Variants in PKD1L1 observed in about 807,000 individuals in gnomAD.
PKD1L1 encodes polycystin-1-like protein 1.
Under a neutral mutation model 323.4 loss-of-function variants are expected in PKD1L1, and 236 were observed. The ratio of observed to expected loss-of-function variants is 0.73; its 90% CI spans 0.66 to 0.81. The LOEUF (loss-of-function observed/expected upper bound fraction) is 0.81. PKD1L1 is among the 40% of genes least tolerant of loss of function. The probability of loss-of-function intolerance (pLI) is 0.00; values close to 1 mark genes in which losing one functional copy is unlikely to be tolerated. For missense variants in PKD1L1, 3,320 were observed against 3,508.0 expected (o/e 0.95, Z 1.35); for synonymous variants, 1,344 against 1,335.0 (o/e 1.01, Z -0.15).
At chr7:47,938,315 T>A (rs1038428230) in intron 3 of PKD1L1, among the ~76,000 whole-genome samples, 7 of 152,128 alleles carry the variant, frequency 4.6e-5, no homozygotes, top group African/African-American at 1.7e-4. Context: ...AGATGCCAGC[T>A]CGTGCCTGAG....
At chr7:47,914,158 C>A (rs1787380603) in intron 8 of PKD1L1, among the ~76,000 whole-genome samples, 1 of 151,984 alleles carries the variant, frequency 6.6e-6, no homozygotes, top group African/African-American at 2.4e-5. Context: ...TAAAAGAGGT[C>A]AACTAAAACA....
At chr7:47,941,407 A>G (rs935782787) in intron 2 of PKD1L1, among the ~76,000 whole-genome samples, 6 of 152,220 alleles carry the variant, frequency 3.9e-5, no homozygotes, top group Non-Finnish European at 7.3e-5. Context: ...CCTGCACCCC[A>G]GCAGTGGTGC....
intron 12 of PKD1L1, among the ~76,000 whole-genome samples, chr7:47,904,011 A>G (rs1207127611): frequency 2.8e-4 from 42 of 152,026 alleles, no homozygotes; most frequent in Admixed American, 2.8e-3. Flanking sequence ...CACTCCAAAC[A>G]TCTCCTGTTG....
At chr7:47,843,547 A>G (rs1346381872) in intron 33 of PKD1L1, among the ~76,000 whole-genome samples, 1 of 152,196 alleles carries the variant, frequency 6.6e-6, no homozygotes, top group African/African-American at 2.4e-5. Flanking sequence ...TGCAGGTGCC[A>G]TTATGTTCCT....
chr7:47,903,680 C>T (rs1219245965), intron 12 of PKD1L1, among the ~76,000 whole-genome samples: 1 of 152,206 alleles, frequency 6.6e-6, no homozygotes, highest in African/African-American at 2.4e-5. Flanking sequence ...CTAGATACTT[C>T]TGCACCCTTT....
At chr7:47,860,811 A>AAG (rs74476302) in intron 26 of PKD1L1, among the ~76,000 whole-genome samples, 91,241 of 151,778 alleles carry the variant, frequency 0.6, 27,472 homozygotes, top group Admixed American at 0.63. Flanking sequence ...AGAGATGCAC[A>AAG]AGAGGGACAA....
chr7:47,827,842 T>C (rs1039803024), intron 44 of PKD1L1, among the ~76,000 whole-genome samples: 2 of 152,216 alleles, frequency 1.3e-5, no homozygotes, highest in African/African-American at 4.8e-5. Flanking sequence ...AAAAAATCAT[T>C]TTAAAGTATA....
At chr7:47,918,837 A>G (rs567598807) in intron 7 of PKD1L1, among the ~76,000 whole-genome samples, 1 of 152,350 alleles carries the variant, frequency 6.6e-6, no homozygotes, top group South Asian at 2.1e-4. Flanking sequence ...TAGTGACACA[A>G]CGTATCAAAA....
chr7:47,947,653 T>C (rs764048420), intron 1 of PKD1L1, among the ~76,000 whole-genome samples: 2 of 152,148 alleles, frequency 1.3e-5, no homozygotes, highest in African/African-American at 4.8e-5. Flanking sequence ...GCACAGAGCA[T>C]GGGGAAGAGG....
At chr7:47,809,255 A>G (rs771488665) in intron 51 of PKD1L1, 1 of 441,516 alleles carries the variant, frequency 2.3e-6, no homozygotes, top group Non-Finnish European at 4.0e-6. Flanking sequence ...TGGGACCACC[A>G]CCTTGGCTGA....
At position 47,929,302 on chromosome 7, in the gene PKD1L1, CAG is replaced by C. The variant is rs1787715929; in HGVS notation, c.960_961del (p.Cys321SerfsTer12). The stretch of plus-strand genomic sequence containing the variant: ...ACTGTCCCCGAAATCCATCATCAGA[CAG>C]AGAGCCTCTCCAGAAGCCATATGAA... On this transcript the variant is annotated frameshift_variant, in exon 7 of 57. Coordinates refer to ENST00000289672, the MANE Select transcript of PKD1L1 (RefSeq NM_138295.5). LOFTEE classifies it high-confidence loss of function. The C allele has an allele frequency of 6.2e-7, 1 of 1,614,040 alleles. No individual in the cohort carries two copies. Among genetic ancestry groups the C allele is most frequent in the Admixed American group, 1.7e-5 (1 of 59,998 alleles).
intron 54 of PKD1L1, 103 bp from the exon 55 acceptor site, chr7:47,796,253 C>T: frequency 9.2e-7 from 1 of 1,091,646 alleles, no homozygotes; most frequent in Non-Finnish European, 1.3e-6. Context: ...TCTGATGATG[C>T]TACTTTACGA....
At chr7:47,959,924 G>T in the PKD1L1 span, among the ~76,000 whole-genome samples, 97 of 151,998 alleles carry the variant, frequency 6.4e-4, no homozygotes, top group Non-Finnish European at 9.4e-4. Context: ...TTGTGGAATA[G>T]AAAGGGGGGA....
In PKD1L1 at chr7:47,931,139, CA is replaced by C. The variant is rs1787762772; in HGVS notation, c.701del (p.Leu234ArgfsTer49). 1 of 1,614,068 alleles carries C rather than the reference CA, an allele frequency of 6.2e-7. No individual in the cohort carries two copies. The highest frequency in any genetic ancestry group is 1.1e-5 in the South Asian group (1 of 91,090). ...PTQTSSQRVP[L>X]WPISHFPTSP... Reference sequence around the variant, plus strand: ...AAGTGGGAAAATGTGAAATCGGCCACAGGGGCACTCGCTGGGAGCTGGTCTG... The same window carrying C: ...AAGTGGGAAAATGTGAAATCGGCCACGGGGCACTCGCTGGGAGCTGGTCTG... On this transcript the variant is annotated frameshift_variant, in exon 6 of 57. Coordinates refer to ENST00000289672, the MANE Select transcript of PKD1L1 (RefSeq NM_138295.5). LOFTEE classifies it high-confidence loss of function.
chr7:47,943,646 G>T, intron 1 of PKD1L1, 135 bp from the exon 2 acceptor site: 1 of 648,006 alleles, frequency 1.5e-6, no homozygotes, highest in Non-Finnish European at 2.7e-6. Context: ...GCTGCCATAT[G>T]AACAAAAAGA....
intron 17 of PKD1L1, among the ~76,000 whole-genome samples, chr7:47,887,487 C>T (rs1786710536): frequency 6.6e-6 from 1 of 152,222 alleles, no homozygotes; most frequent in African/African-American, 2.4e-5. Flanking sequence ...GCCCTGATAC[C>T]ACTCTGTGAA....
intron 42 of PKD1L1, among the ~76,000 whole-genome samples, chr7:47,830,337 A>G (rs1785321027): frequency 6.6e-6 from 1 of 152,252 alleles, no homozygotes; most frequent in African/African-American, 2.4e-5. Context: ...ACCTCCCTGA[A>G]GCTGCCTAGT....
chr7:47,816,152 A>C (rs1785013727), intron 46 of PKD1L1, among the ~76,000 whole-genome samples: 1 of 152,234 alleles, frequency 6.6e-6, no homozygotes, highest in Non-Finnish European at 1.5e-5. Context: ...CTGACTGCCG[A>C]CTGGGCGCAG....
chr7:47,847,911 G>A (rs955912951), intron 31 of PKD1L1, among the ~76,000 whole-genome samples: 1 of 151,982 alleles, frequency 6.6e-6, no homozygotes, highest in African/African-American at 2.4e-5. Context: ...CATATAAAGA[G>A]CTCTTAAACA....
Sources: gnomAD v4.1 joint callset for allele counts (sites outside exome capture counted in the v4.1 genomes callset) on GRCh38, gnomAD v4.1.1 for gene constraint, MANE v1.5 for transcripts, NCBI Gene and HGNC (gene_info 2026-07-23, HGNC 2026-07-21) for gene names.